CENPP: variants seen among roughly 807,000 people sequenced by gnomAD.
CENPP encodes centromere protein P.
In CENPP, 24 loss-of-function variants were observed where a neutral mutation model predicts 35.6. The ratio of observed to expected loss-of-function variants is 0.67; its 90% CI spans 0.49 to 0.95. The LOEUF (loss-of-function observed/expected upper bound fraction) is 0.95, where lower values mean the gene tolerates loss of function less well. Ranked by LOEUF, CENPP falls within the 40% of genes least tolerant of loss-of-function variation. CENPP has a pLI of 0.00. For synonymous variants in CENPP, 120 were observed against 125.5 expected (o/e 0.96, Z 0.29); for missense variants, 332 against 345.3 (o/e 0.96, Z 0.31).
chr9:92,337,430 A>C, intron 2 of CENPP, 111 bp from the exon 3 acceptor site: 2 of 598,318 alleles, frequency 3.3e-6, no homozygotes, highest in Non-Finnish European at 6.0e-6. Context: ...GCTAATGCAC[A>C]CTTTCACACA....
intron 5 of CENPP, among the ~76,000 whole-genome samples, chr9:92,430,651 T>C (rs1482421955): frequency 6.6e-6 from 1 of 152,124 alleles, no homozygotes; most frequent in Non-Finnish European, 1.5e-5. Flanking sequence ...CCACCACGCC[T>C]GGACAAGTTT....
chr9:92,515,033 C>T (rs776123390), intron 5 of CENPP: 1 of 1,614,170 alleles, frequency 6.2e-7, no homozygotes, highest in South Asian at 1.1e-5. Flanking sequence ...TCTTTCACTT[C>T]TTCATCCTCC....
intron 5 of CENPP, chr9:92,456,507 T>C (rs1417178965): frequency 6.6e-6 from 1 of 152,598 alleles, no homozygotes; most frequent in Non-Finnish European, 1.5e-5. Context: ...CAATGTTATA[T>C]AGCCTAACAA....
intron 5 of CENPP, among the ~76,000 whole-genome samples, chr9:92,468,850 C>T (rs1175290033): frequency 1.3e-5 from 2 of 152,164 alleles, no homozygotes; most frequent in Non-Finnish European, 2.9e-5. Flanking sequence ...TCAAGTAGGT[C>T]TAAGAAAGCT....
chr9:92,503,719 CTT>C (rs1233840628), intron 5 of CENPP, among the ~76,000 whole-genome samples: 7 of 152,170 alleles, frequency 4.6e-5, no homozygotes, highest in African/African-American at 1.7e-4. Flanking sequence ...GAATTTCCCT[CTT>C]TGTTAATTTT....
intron 4 of CENPP, among the ~76,000 whole-genome samples, chr9:92,361,511 G>A (rs962857014): frequency 8.1e-4 from 113 of 139,014 alleles, no homozygotes; most frequent in African/African-American, 2.8e-3. Flanking sequence ...ATGGAGTCTT[G>A]CTCTGTCACC....
chr9:92,330,782 A>G (rs1840721215), intron 1 of CENPP, among the ~76,000 whole-genome samples: 1 of 145,764 alleles, frequency 6.9e-6, no homozygotes, highest in Admixed American at 7.0e-5. Context: ...TCTGCCTCCC[A>G]TACTCAAGCA....
At chr9:92,462,379 A>G (rs1845147333) in intron 5 of CENPP, among the ~76,000 whole-genome samples, 2 of 152,154 alleles carry the variant, frequency 1.3e-5, no homozygotes, top group Non-Finnish European at 2.9e-5. Context: ...TCTCTTCTCA[A>G]CGGGGCATAT....
intron 2 of CENPP, among the ~76,000 whole-genome samples, chr9:92,334,839 C>G (rs1416597008): frequency 6.6e-6 from 1 of 151,568 alleles, no homozygotes; most frequent in Non-Finnish European, 1.5e-5. Context: ...GAGATTGCAC[C>G]ACTGCGCTTC....
chr9:92,466,744 G>T (rs1355967358), intron 5 of CENPP, among the ~76,000 whole-genome samples: 1 of 152,116 alleles, frequency 6.6e-6, no homozygotes, highest in Admixed American at 6.6e-5. Flanking sequence ...TTTTACTACT[G>T]AGTTAGAAAA....
At chr9:92,442,127 G>A (rs1844407406) in intron 5 of CENPP, among the ~76,000 whole-genome samples, 1 of 152,076 alleles carries the variant, frequency 6.6e-6, no homozygotes, top group Non-Finnish European at 1.5e-5. Flanking sequence ...GCCGGGCACA[G>A]TGGCTCACAC....
At chr9:92,611,025 A>G (rs1851224337) in intron 5 of CENPP, 1 of 480,126 alleles carries the variant, frequency 2.1e-6, no homozygotes, top group Non-Finnish European at 3.7e-6. Context: ...TCCCAGATGG[A>G]AAGGGTGTGG....
chr9:92,454,198 T>C (rs113188620), intron 5 of CENPP, among the ~76,000 whole-genome samples: 4 of 152,282 alleles, frequency 2.6e-5, no homozygotes, highest in African/African-American at 9.6e-5. Flanking sequence ...GATTTGTTTT[T>C]TGCAAACTTA....
rs74359951 is a variant in CENPP at position 92,615,154 on chromosome 9, A to G, written c.*2005A>G. 6.9e-6 allele frequency: 1 copy of G among 145,658 alleles called. No homozygotes were observed. The highest frequency in any genetic ancestry group is 1.5e-5 in the Non-Finnish European group (1 of 65,702). 9.0% of individuals were successfully genotyped at this position (145,658 alleles called of 1,614,324 possible). ...CATGTGAAAGATTAAATTGTAAAGCAAAAAAAAAAAGGTCAATGCTCGCAT... is the reference window on the plus strand; with the variant it reads ...CATGTGAAAGATTAAATTGTAAAGCGAAAAAAAAAAGGTCAATGCTCGCAT... On this transcript the variant is annotated 3_prime_UTR_variant, in exon 8 of 8. Transcript: ENST00000375587.
At position 92,466,525 on chromosome 9, in the gene CENPP, G is replaced by A. The variant is rs1845319899; in HGVS notation, c.564+86666G>A. 7 of 1,613,902 alleles carry A rather than the reference G, an allele frequency of 4.3e-6. No homozygotes were observed. The Admixed American group carries it at 6.7e-5, about 15-fold the overall frequency. On this transcript the variant is annotated intron_variant, in intron 5 of 7. Coordinates refer to ENST00000375587, the MANE Select transcript of CENPP (RefSeq NM_001012267.3). The stretch of plus-strand genomic sequence containing the variant: ...TCGCAACTTCTTTGTGGTTAGAAAG[G>A]CTTTTGGGTGAATCTTCGTTAGCTT...
At chr9:92,416,711 A>G in intron 5 of CENPP, 1 of 1,613,392 alleles carries the variant, frequency 6.2e-7, no homozygotes, top group Non-Finnish European at 8.5e-7. Flanking sequence ...ACTGAGTTCT[A>G]CAATGTTGGG....
intron 5 of CENPP, among the ~76,000 whole-genome samples, chr9:92,571,277 G>A (rs534615453): frequency 1.0e-3 from 156 of 152,230 alleles, no homozygotes; most frequent in African/African-American, 3.7e-3. Flanking sequence ...CTGGTATGTT[G>A]TGTCTTTGTT....
chr9:92,434,804 A>C (rs1450105758), intron 5 of CENPP, among the ~76,000 whole-genome samples: 2 of 152,180 alleles, frequency 1.3e-5, no homozygotes, highest in Non-Finnish European at 2.9e-5. Context: ...GCACTTTGGG[A>C]GCCTGAAGCG....
rs190530128 is a variant in CENPP at position 92,565,499 on chromosome 9, A to G, written c.565-45815A>G. 6.6e-5 allele frequency among the ~76,000 whole-genome samples: 10 copies of G among 152,276 alleles called. No homozygotes were observed. In the East Asian group the frequency reaches 1.9e-3, roughly 29 times the overall value. ...GCTCTTAACAAAGTAGTAGCTACCCAGCCCCAGGGCAGGCAGCTGTGCACC... is the reference window on the plus strand; with the variant it reads ...GCTCTTAACAAAGTAGTAGCTACCCGGCCCCAGGGCAGGCAGCTGTGCACC... On this transcript the variant is annotated intron_variant, in intron 5 of 7. Transcript: ENST00000375587.
Sources: allele counts gnomAD v4.1 joint callset (sites outside exome capture counted in the v4.1 genomes callset), GRCh38; gene constraint gnomAD v4.1.1; transcripts MANE v1.5; gene names NCBI Gene and HGNC (gene_info 2026-07-23, HGNC 2026-07-21).